SPTLC3: variants seen among roughly 807,000 people sequenced by gnomAD.
The protein encoded by SPTLC3 is serine palmitoyltransferase 3.
Under a neutral mutation model 59.3 loss-of-function variants are expected in SPTLC3, and 36 were observed. The observed-to-expected ratio is 0.61, with a 90% CI of 0.47 to 0.80. SPTLC3 has a LOEUF of 0.80. Ranked by LOEUF, SPTLC3 falls within the 30% of genes least tolerant of loss-of-function variation. The probability of loss-of-function intolerance (pLI) is 0.00; values close to 1 mark genes in which losing one functional copy is unlikely to be tolerated. For synonymous variants in SPTLC3, 257 were observed against 240.8 expected (o/e 1.07, Z -0.62); for missense variants, 625 against 685.1 (o/e 0.91, Z 0.98).
intron 1 of SPTLC3, among the ~76,000 whole-genome samples, chr20:13,012,921 G>A (rs1985329862): frequency 3.9e-5 from 6 of 152,142 alleles, no homozygotes; most frequent in Non-Finnish European, 7.4e-5. Flanking sequence ...AAAATAGGGA[G>A]CTTATTCCTG....
intron 3 of SPTLC3, chr20:13,074,109 G>T: frequency 1.5e-6 from 1 of 685,786 alleles, no homozygotes; most frequent in Non-Finnish European, 2.7e-6. Flanking sequence ...CCAGCTTCCA[G>T]GGACTAAAGT....
At chr20:13,162,109 A>G in intron 11 of SPTLC3, among the ~76,000 whole-genome samples, 1 of 152,228 alleles carries the variant, frequency 6.6e-6, no homozygotes, top group East Asian at 1.9e-4. Context: ...GACAGGCAAA[A>G]CTTTCAAGAA....
At chr20:13,087,009 T>A (rs1019461476) in intron 4 of SPTLC3, among the ~76,000 whole-genome samples, 1 of 152,140 alleles carries the variant, frequency 6.6e-6, no homozygotes, top group African/African-American at 2.4e-5. Flanking sequence ...TTGGCCAGGC[T>A]GGTCTCAGAC....
At chr20:13,047,787 GA>G (rs1170027620) in intron 1 of SPTLC3, among the ~76,000 whole-genome samples, 1 of 151,970 alleles carries the variant, frequency 6.6e-6, no homozygotes, top group African/African-American at 2.4e-5. Flanking sequence ...CAGACATACA[GA>G]AGAGTAGAAA....
intron 1 of SPTLC3, 112 bp from the exon 2 acceptor site, chr20:13,048,833 A>G: frequency 1.0e-6 from 1 of 964,622 alleles, no homozygotes; most frequent in Non-Finnish European, 1.5e-6. Context: ...ATTTATTTAC[A>G]ATCTTAAATA....
intron 4 of SPTLC3, among the ~76,000 whole-genome samples, chr20:13,074,848 G>A (rs1600254464): frequency 6.6e-6 from 1 of 152,088 alleles, no homozygotes; most frequent in East Asian, 1.9e-4. Context: ...ATTTGTTTAT[G>A]GCCTGTCTCT....
At chr20:13,072,578 A>G (rs1157847606) in intron 3 of SPTLC3, among the ~76,000 whole-genome samples, 168 bp downstream of exon 3, 1 of 152,210 alleles carries the variant, frequency 6.6e-6, no homozygotes, top group Non-Finnish European at 1.5e-5. Flanking sequence ...GGCACAGTAA[A>G]GTAATCAAGC....
intron 1 of SPTLC3, among the ~76,000 whole-genome samples, chr20:13,021,550 C>CT (rs397698705): frequency 1.4e-5 from 2 of 144,710 alleles, no homozygotes; most frequent in African/African-American, 5.1e-5. Context: ...ACAGCCCCCC[C>CT]ACCAATCCCC....
chr20:13,069,982 G>T (rs992173289), intron 2 of SPTLC3, among the ~76,000 whole-genome samples: 1 of 151,900 alleles, frequency 6.6e-6, no homozygotes, highest in Non-Finnish European at 1.5e-5. Flanking sequence ...TATAAATAGA[G>T]AAACACAACA....
intron 9 of SPTLC3, among the ~76,000 whole-genome samples, chr20:13,146,314 G>C (rs112239219): frequency 6.6e-6 from 1 of 151,996 alleles, no homozygotes; most frequent in African/African-American, 2.4e-5. Flanking sequence ...GCAGAAGAGA[G>C]AACTATTGTA....
At chr20:13,135,804 A>G (rs138385372) in intron 9 of SPTLC3, among the ~76,000 whole-genome samples, 2 of 152,340 alleles carry the variant, frequency 1.3e-5, no homozygotes, top group African/African-American at 4.8e-5. Flanking sequence ...AAATGGCTAT[A>G]AGAAAAATCA....
At chr20:13,136,640 T>C (rs1255392220) in intron 9 of SPTLC3, among the ~76,000 whole-genome samples, 1 of 146,958 alleles carries the variant, frequency 6.8e-6, no homozygotes, top group African/African-American at 2.5e-5. Flanking sequence ...AAAAATTATA[T>C]ACATGTATAT....
chr20:13,162,904 T>G (rs187402834), intron 11 of SPTLC3, among the ~76,000 whole-genome samples: 2 of 151,804 alleles, frequency 1.3e-5, no homozygotes, highest in East Asian at 3.9e-4. Flanking sequence ...GTGTCCTCCC[T>G]CTCCCATCTC....
intron 2 of SPTLC3, among the ~76,000 whole-genome samples, chr20:13,055,705 C>A (rs1987693873): frequency 3.3e-5 from 5 of 151,974 alleles, no homozygotes; most frequent in Admixed American, 2.0e-4. Context: ...GAGTTGTTTC[C>A]TAGAAAGCCT....
At chr20:13,011,841 C>A (rs1014756827) in intron 1 of SPTLC3, among the ~76,000 whole-genome samples, 9 of 152,104 alleles carry the variant, frequency 5.9e-5, no homozygotes, top group Admixed American at 3.9e-4. Context: ...GGCCTCCTAC[C>A]TTTTACTTGT....
intron 8 of SPTLC3, among the ~76,000 whole-genome samples, chr20:13,125,224 G>A (rs1007138238): frequency 2.0e-4 from 30 of 152,146 alleles, no homozygotes; most frequent in African/African-American, 7.0e-4. Flanking sequence ...AAGCTTACTT[G>A]GGACCTTATA....
intron 7 of SPTLC3, among the ~76,000 whole-genome samples, chr20:13,117,190 G>A (rs913852345): frequency 1.3e-5 from 2 of 152,178 alleles, no homozygotes; most frequent in African/African-American, 4.8e-5. Context: ...AATCCAGAAT[G>A]GTCAGTCTAG....
At chr20:13,128,192 CTGT>C (rs1230985172) in intron 9 of SPTLC3, among the ~76,000 whole-genome samples, 1 of 152,176 alleles carries the variant, frequency 6.6e-6, no homozygotes, top group African/African-American at 2.4e-5. Flanking sequence ...CTATTATTTG[CTGT>C]TGTTTCTGAG....
chr20:13,112,434 C>T lies in SPTLC3; in HGVS notation c.932+2217C>T, dbSNP rs1218447582. Among the ~76,000 whole-genome samples, 4 of 152,220 alleles carry T rather than the reference C, an allele frequency of 2.6e-5. No homozygotes were observed. The South Asian group carries it at 6.2e-4, about 24-fold the overall frequency. On this transcript the variant is annotated intron_variant, in intron 7 of 11. Coordinates refer to ENST00000399002, the MANE Select transcript of SPTLC3 (RefSeq NM_018327.4). ...AAGGCTGCCGGCACTGAGACATTAT[C>T]ACTTCTGCCCTGACCCATTGGCTCA...
Sources: allele counts gnomAD v4.1 joint callset (sites outside exome capture counted in the v4.1 genomes callset), GRCh38; gene constraint gnomAD v4.1.1; transcripts MANE v1.5; gene names NCBI Gene and HGNC (gene_info 2026-07-23, HGNC 2026-07-21).